Variants in RABL6 observed in about 807,000 individuals in gnomAD.
The protein encoded by RABL6 is RAB, member RAS oncogene family like 6, also known as rab-like protein 6.
Under a neutral mutation model 72.9 loss-of-function variants are expected in RABL6, and 28 were observed. The observed-to-expected ratio is 0.38, with a 90% CI of 0.28 to 0.53. The LOEUF is 0.53. RABL6 is among the 20% of genes least tolerant of loss of function. The pLI is 0.80. For synonymous variants in RABL6, 477 were observed against 421.2 expected, an observed-to-expected ratio of 1.13 and a Z score of -1.62; for missense variants, 1,029 against 1,008.4, an observed-to-expected ratio of 1.02 and a Z score of -0.28.
At position 136,839,118 on chromosome 9, in the gene RABL6, A is replaced by C; in HGVS notation, c.1490A>C (p.Lys497Thr). Reference sequence around the variant, plus strand: ...CAGCAGTGCTCAGAGCCAGAGACCAAGTGGTAAGGGCAGGTGTCCCCACGG... The same window carrying C: ...CAGCAGTGCTCAGAGCCAGAGACCACGTGGTAAGGGCAGGTGTCCCCACGG... ...APQQCSEPETKWSSIPASKPR... is the reference protein window; with the variant it reads ...APQQCSEPETTWSSIPASKPR... The change falls in exon 11 of 15, where the codon AAG (lysine) becomes ACG (threonine). Residue 497 changes from lysine to threonine, a missense_variant. By Grantham distance (78) the Lys-to-Thr change is moderately conservative. Coordinates refer to ENST00000311502, the MANE Select transcript of RABL6 (RefSeq NM_024718.5). 6.2e-7 allele frequency: 1 copy of C among 1,612,146 alleles called. No individual in the cohort carries two copies. The highest frequency in any genetic ancestry group is 8.5e-7 in the Non-Finnish European group (1 of 1,179,722).
chr9:136,822,143 A>T, intron 1 of RABL6: 1 of 1,224,514 alleles, frequency 8.2e-7, no homozygotes, highest in Non-Finnish European at 1.0e-6. Flanking sequence ...CAGAGCTTCG[A>T]GGCCGGGCGC....
Position 136,840,897 on chromosome 9 carries a change from C to T in RABL6, c.*375C>T. On this transcript the variant is annotated 3_prime_UTR_variant, in exon 15 of 15. Transcript: ENST00000311502. Reference sequence around the variant, plus strand: ...GGCTGTGGGGTGTGCGCTGCCCCGGCACCTGCTTGCCCTCCGCGCTCATCT... The same window carrying T: ...GGCTGTGGGGTGTGCGCTGCCCCGGTACCTGCTTGCCCTCCGCGCTCATCT... 1 of 1,506,994 alleles carries T rather than the reference C, an allele frequency of 6.6e-7. No homozygotes were observed. The highest frequency in any genetic ancestry group is 8.9e-7 in the Non-Finnish European group (1 of 1,123,242). 93.4% of individuals were successfully genotyped at this position (1,506,994 alleles called of 1,614,324 possible).
At position 136,821,213 on chromosome 9, in the gene RABL6, G is replaced by T. The variant is rs944192875; in HGVS notation, c.131-2312G>T. The T allele has an allele frequency of 4.9e-6, 3 of 617,280 alleles. No homozygotes were observed. The South Asian group carries it at 2.1e-4, about 44-fold the overall frequency. 38.2% of individuals were successfully genotyped at this position (617,280 alleles called of 1,614,324 possible). A position where few individuals can be genotyped will look rare whatever the true frequency, so the allele number is the denominator to read the frequency against. On this transcript the variant is annotated intron_variant, in intron 1 of 14. Transcript: ENST00000311502. ...AAATGAAGGAAGTGGGTTCTGTCCC[G>T]TAGGGTTGAGGAGCCGAGATGCGGG... is the stretch of plus-strand genomic sequence containing the variant.
chr9:136,813,087 C>T (rs1848047258), intron 1 of RABL6: 1 of 384,964 alleles, frequency 2.6e-6, no homozygotes, highest in Admixed American at 3.3e-5. Flanking sequence ...CTACCCTTGC[C>T]CAACAAAGCT....
rs771240229 is a variant in RABL6, at chr9:136,839,767, C to T, written c.1832C>T (p.Pro611Leu). The T allele has an allele frequency of 9.3e-6, 15 of 1,612,362 alleles. No individual in the cohort carries two copies. The highest frequency in any genetic ancestry group is 5.0e-5 in the Admixed American group (3 of 59,968). The change falls in exon 13 of 15, where the codon CCC (proline) becomes CTC (leucine). Residue 611 changes from proline (P) to leucine (L), a missense_variant. By Grantham distance (98) the Pro-to-Leu change is moderately conservative. This residue lies in a region of RABL6 where 595 missense variants were observed against 472.4 expected (regional missense o/e 1.26). Transcript: ENST00000311502. ...EDEGPAEPPP[P>L]PKLPLPAFRL... is the part of the protein sequence containing the mutation. ...GAGGGCCCTGCCGAGCCGCCCCCAC[C>T]CCCCAAGCTCCCTCTCCCCGCCTTC... is the stretch of plus-strand genomic sequence containing the variant.
At position 136,829,390 on chromosome 9, in the gene RABL6, C is replaced by A; in HGVS notation, c.367-3C>A. On this transcript the variant is annotated splice_polypyrimidine_tract_variant and splice_region_variant and intron_variant, in intron 4 of 14. Coordinates refer to ENST00000311502, the MANE Select transcript of RABL6 (RefSeq NM_024718.5). ...TCTCACACCTGTTCCCTCCTGTCCC[C>A]AGGCGGAGTCTGAAATGGCCCTGGA... The A allele has an allele frequency of 6.4e-7, 1 of 1,565,436 alleles. No individual in the cohort carries two copies. Among genetic ancestry groups the A allele is most frequent in the East Asian group, 2.4e-5 (1 of 42,116 alleles).
chr9:136,832,675 A>G, intron 7 of RABL6: 1 of 411,668 alleles, frequency 2.4e-6, no homozygotes, highest in Non-Finnish European at 4.6e-6. Context: ...TGTGTGGCCC[A>G]GGCTGGAGTG....
intron 7 of RABL6, chr9:136,832,691 G>A: frequency 2.6e-6 from 1 of 389,804 alleles, no homozygotes; most frequent in South Asian, 2.2e-5. Context: ...GAGTGCAGTG[G>A]CGCAATCATG....
At chr9:136,818,223 C>T (rs1410193371) in intron 1 of RABL6, among the ~76,000 whole-genome samples, 9 of 150,422 alleles carry the variant, frequency 6.0e-5, no homozygotes, top group Admixed American at 4.6e-4. Flanking sequence ...ATTAGACGGG[C>T]GTGGTGGCGG....
At chr9:136,838,802 C>CA in intron 10 of RABL6, 107 bp from the exon 11 acceptor site, 1 of 1,041,778 alleles carries the variant, frequency 9.6e-7, no homozygotes, top group Non-Finnish European at 1.4e-6. Flanking sequence ...GGGGTGGCCC[C>CA]ACGGCCAGGG....
chr9:136,829,253 C>T (rs1345772864), intron 4 of RABL6, 140 bp from the exon 5 acceptor site: 2 of 691,414 alleles, frequency 2.9e-6, no homozygotes, highest in Middle Eastern at 2.4e-4. Flanking sequence ...GCTATCCCAT[C>T]TCTTCAGCAT....
Position 136,831,790 on chromosome 9 carries a change from C to T in RABL6, c.528C>T (p.Asn176=). 7 of 1,613,402 alleles carry T rather than the reference C, an allele frequency of 4.3e-6. No homozygotes were observed. Among genetic ancestry groups the T allele is most frequent in the Non-Finnish European group, 5.9e-6 (7 of 1,179,838 alleles). Residue 176 remains asparagine, a synonymous_variant, in exon 6 of 15, where the codon AAC becomes AAT. Transcript: ENST00000311502. Reference sequence around the variant, plus strand: ...ACGTGCCAGTGTGCGTGCTGGGAAACTACCGGGACATGGGCGAGCACCGAG... The same window carrying T: ...ACGTGCCAGTGTGCGTGCTGGGAAATTACCGGGACATGGGCGAGCACCGAG... The part of the protein sequence containing the change: ...PTHVPVCVLG[N]YRDMGEHRVI...
At chr9:136,830,382 G>C (rs990417225) in intron 5 of RABL6, among the ~76,000 whole-genome samples, 1 of 152,268 alleles carries the variant, frequency 6.6e-6, no homozygotes, top group Non-Finnish European at 1.5e-5. Context: ...AACCATGCCT[G>C]CCCTCCCAGC....
chr9:136,815,140 ATCC>A (rs1330723966), intron 1 of RABL6: 20 of 304,148 alleles, frequency 6.6e-5, no homozygotes, highest in East Asian at 2.6e-4. Flanking sequence ...GTTCAGAGTC[ATCC>A]TCCTCCTCAT....
chr9:136,809,514 T>C (rs903117165), intron 1 of RABL6: 31 of 236,614 alleles, frequency 1.3e-4, no homozygotes, highest in Middle Eastern at 1.5e-3. Context: ...CGGTGGCTCA[T>C]GCCTGTAATC....
At chr9:136,831,971 C>A (rs565086099) in intron 6 of RABL6, 110 bp downstream of exon 6, 1 of 1,416,542 alleles carries the variant, frequency 7.1e-7, no homozygotes, top group Non-Finnish European at 9.3e-7. Flanking sequence ...TGGGGCCCGG[C>A]GGATGTGGGT....
Position 136,839,485 on chromosome 9 carries a change from C to T in RABL6, c.1757C>T (p.Ala586Val), listed in dbSNP as rs202145854. The T allele has an allele frequency of 1.4e-4, 231 of 1,607,586 alleles. 1 individual carries two copies. In the African/African-American group the frequency reaches 2.6e-3, roughly 18 times the overall value. Residue 586 changes from alanine to valine, a missense_variant and splice_region_variant, in exon 12 of 15, where the codon GCG becomes GTG. This residue lies in a region of RABL6 where 595 missense variants were observed against 472.4 expected (regional missense o/e 1.26). Coordinates refer to ENST00000311502, the MANE Select transcript of RABL6 (RefSeq NM_024718.5). ...ESEGSDTQRRADDFPVRDDPS... is the reference protein window; with the variant it reads ...ESEGSDTQRRVDDFPVRDDPS... ...GAGGGATCAGACACACAGCGCAGGGCGGTAAGACGAGTCCTCCCGGGGCAG... is the reference window on the plus strand; with the variant it reads ...GAGGGATCAGACACACAGCGCAGGGTGGTAAGACGAGTCCTCCCGGGGCAG...
intron 1 of RABL6, chr9:136,821,832 C>T: frequency 8.4e-7 from 1 of 1,193,772 alleles, no homozygotes; most frequent in African/African-American, 1.6e-5. Context: ...CAGCCTTCCG[C>T]GGGGTGGGCT....
intron 8 of RABL6, 111 bp downstream of exon 8, chr9:136,835,956 G>A: frequency 9.3e-7 from 1 of 1,069,764 alleles, no homozygotes; most frequent in South Asian, 1.5e-5. Flanking sequence ...CCCCTGTTTG[G>A]GGTAAATTAG....
Sources: gnomAD v4.1 joint callset for allele counts (sites outside exome capture counted in the v4.1 genomes callset) on GRCh38, gnomAD v4.1.1 for gene constraint, gnomAD v4.1.1 regional missense constraint, MANE v1.5 for transcripts, NCBI Gene and HGNC (gene_info 2026-07-23, HGNC 2026-07-21) for gene names.